CSMD1: variants seen among roughly 807,000 people sequenced by gnomAD.
The protein encoded by CSMD1 is CUB and sushi domain-containing protein 1.
CSMD1 carries 213 observed loss-of-function variants against 417.5 expected under a neutral mutation model. That is an observed-to-expected ratio of 0.51 (90% CI 0.46 to 0.57). The LOEUF is 0.57. CSMD1 is among the 20% of genes least tolerant of loss of function. The probability of loss-of-function intolerance (pLI) is 0.00; values close to 1 mark genes in which losing one functional copy is unlikely to be tolerated. For missense variants in CSMD1, 6,923 were observed against 4,529.7 expected, an observed-to-expected ratio of 1.53 and a Z score of -15.17; for synonymous variants, 2,862 against 1,736.8, an observed-to-expected ratio of 1.65 and a Z score of -16.11.
At chr8:4,285,591 A>C (rs1201122826) in intron 3 of CSMD1, among the ~76,000 whole-genome samples, 1 of 152,222 alleles carries the variant, frequency 6.6e-6, no homozygotes, top group East Asian at 1.9e-4. Context: ...TGGACCAGGC[A>C]GCTGGGAAAT....
chr8:3,562,303 A>G (rs746929167), intron 10 of CSMD1, among the ~76,000 whole-genome samples: 6 of 129,084 alleles, frequency 4.6e-5, no homozygotes, highest in Non-Finnish European at 8.4e-5. Context: ...TAGAATCTAG[A>G]AAGACTTGGG....
intron 54 of CSMD1, among the ~76,000 whole-genome samples, chr8:2,989,135 G>T (rs1349587420): frequency 6.6e-6 from 1 of 152,192 alleles, no homozygotes; most frequent in Non-Finnish European, 1.5e-5. Context: ...AGCACACACA[G>T]TAAGAATCAG....
intron 1 of CSMD1, among the ~76,000 whole-genome samples, chr8:4,939,020 G>C (rs189471617): frequency 1.7e-4 from 26 of 152,224 alleles, no homozygotes; most frequent in Admixed American, 5.2e-4. Context: ...TCATAGGAAT[G>C]TTTTCTACGT....
At chr8:4,528,663 A>C (rs1418474496) in intron 2 of CSMD1, among the ~76,000 whole-genome samples, 1 of 152,194 alleles carries the variant, frequency 6.6e-6, no homozygotes, top group East Asian at 1.9e-4. Context: ...CAATGGTTTC[A>C]TGGTGTACAC....
chr8:4,644,352 C>G lies in CSMD1; in HGVS notation c.86-6794G>C, dbSNP rs79767516. On this transcript the variant is annotated intron_variant, in intron 1 of 69. Coordinates refer to ENST00000635120, the MANE Select transcript of CSMD1 (RefSeq NM_033225.6). Reference sequence around the variant, plus strand: ...CAGGTCTCACTCAATGCAGTATACTCTTTCCAGACACTCATATCTCAATCA... The same window carrying G: ...CAGGTCTCACTCAATGCAGTATACTGTTTCCAGACACTCATATCTCAATCA... 4.4e-3 allele frequency among the ~76,000 whole-genome samples: 667 copies of G among 152,240 alleles called. 24 individuals carry two copies. In the East Asian group the frequency reaches 0.088, roughly 20 times the overall value.
chr8:4,516,707 C>G (rs1803147972), intron 2 of CSMD1, among the ~76,000 whole-genome samples: 1 of 152,192 alleles, frequency 6.6e-6, no homozygotes, highest in South Asian at 2.1e-4. Context: ...CCCCTACACA[C>G]TGCCTGGGGT....
intron 10 of CSMD1, among the ~76,000 whole-genome samples, chr8:3,568,283 C>G (rs1045285674): frequency 6.6e-6 from 1 of 152,138 alleles, no homozygotes; most frequent in Non-Finnish European, 1.5e-5. Context: ...GAACACCTGT[C>G]AGATCCATGT....
intron 3 of CSMD1, among the ~76,000 whole-genome samples, chr8:4,354,887 T>TGTGTGTGTGG (rs1175969019): frequency 1.3e-5 from 2 of 150,208 alleles, no homozygotes; most frequent in African/African-American, 4.9e-5. Context: ...TGTGTGTGTG[T>TGTGTGTGTGG]GTGTGTGTGT....
chr8:4,853,274 C>G (rs1585214155), intron 1 of CSMD1, among the ~76,000 whole-genome samples: 1 of 152,126 alleles, frequency 6.6e-6, no homozygotes, highest in South Asian at 2.1e-4. Context: ...GCCCAGAGGT[C>G]TACAAAGAAA....
chr8:4,061,032 T>A (rs1798944282), intron 3 of CSMD1, among the ~76,000 whole-genome samples: 1 of 150,360 alleles, frequency 6.7e-6, no homozygotes, highest in African/African-American at 2.4e-5. Flanking sequence ...ATACCCATTG[T>A]GATTAATTTA....
At chr8:4,300,765 A>G (rs4875313) in intron 3 of CSMD1, among the ~76,000 whole-genome samples, 21,643 of 151,838 alleles carry the variant, frequency 0.14, 1,813 homozygotes, top group Non-Finnish European at 0.19. Flanking sequence ...ATTCCTCCCT[A>G]TGGGTGAGAA....
intron 1 of CSMD1, among the ~76,000 whole-genome samples, chr8:4,761,875 CT>C (rs1812104446): frequency 2.1e-5 from 2 of 94,142 alleles, no homozygotes; most frequent in African/African-American, 7.6e-5. Context: ...ATCTATCTAT[CT>C]ATCTATCTAT....
chr8:3,861,383 A>G (rs1804697161), intron 5 of CSMD1, among the ~76,000 whole-genome samples: 1 of 152,240 alleles, frequency 6.6e-6, no homozygotes, highest in East Asian at 1.9e-4. Context: ...CTTAGCAGAC[A>G]GCATTGTTCA....
chr8:3,116,940 T>C (rs974889627), intron 42 of CSMD1, among the ~76,000 whole-genome samples: 2 of 152,162 alleles, frequency 1.3e-5, no homozygotes, highest in Non-Finnish European at 2.9e-5. Context: ...ACAGCCCAGA[T>C]AGGTTACTGC....
chr8:4,938,099 C>G (rs1807745298), intron 1 of CSMD1, among the ~76,000 whole-genome samples: 1 of 152,104 alleles, frequency 6.6e-6, no homozygotes, highest in South Asian at 2.1e-4. Context: ...TTAGTAGCAA[C>G]AAAGAATTTT....
rs1224427942 is a variant in CSMD1, at chr8:3,289,179, G to T, written c.3951-4833C>A. Among the ~76,000 whole-genome samples the T allele has an allele frequency of 2.0e-5, 3 of 147,536 alleles. 1 individual carries two copies. Among genetic ancestry groups the T allele is most frequent in the African/African-American group, 8.1e-5 (3 of 37,220 alleles). On this transcript the variant is annotated intron_variant, in intron 25 of 69. Coordinates refer to ENST00000635120, the MANE Select transcript of CSMD1 (RefSeq NM_033225.6). ...ACTCATCATTTTTTATGGCTGCATA[G>T]TATTCCATGGTGTATATGTGCCACA...
intron 3 of CSMD1, among the ~76,000 whole-genome samples, chr8:4,122,378 T>G (rs757281817): frequency 6.6e-6 from 1 of 152,162 alleles, no homozygotes; most frequent in Non-Finnish European, 1.5e-5. Flanking sequence ...TGCCAACAAT[T>G]TGCCAGGCTG....
chr8:4,455,667 A>G (rs917917317), intron 2 of CSMD1, among the ~76,000 whole-genome samples: 17 of 151,842 alleles, frequency 1.1e-4, no homozygotes, highest in Non-Finnish European at 2.1e-4. Context: ...ACAGTGGCTC[A>G]CCCCTGTAAT....
intron 21 of CSMD1, among the ~76,000 whole-genome samples, chr8:3,349,606 C>A (rs556234808): frequency 6.6e-6 from 1 of 151,318 alleles, no homozygotes; most frequent in South Asian, 2.1e-4. Context: ...AATTTATAAT[C>A]ATTTTAAGAA....
Sources: gnomAD v4.1 joint callset for allele counts (sites outside exome capture counted in the v4.1 genomes callset) on GRCh38, gnomAD v4.1.1 for gene constraint, MANE v1.5 for transcripts, NCBI Gene and HGNC (gene_info 2026-07-23, HGNC 2026-07-21) for gene names.